LPA: variants seen among roughly 807,000 people sequenced by gnomAD.
LPA encodes apolipoprotein(a).
In LPA, 199 loss-of-function variants were observed where a neutral mutation model predicts 197.9. The observed-to-expected ratio is 1.01, with a 90% CI of 0.90 to 1.13. The LOEUF (loss-of-function observed/expected upper bound fraction) is 1.13. LPA is among the 50% of genes most tolerant of loss of function. The probability of loss-of-function intolerance (pLI) is 0.00; values close to 1 mark genes in which losing one functional copy is unlikely to be tolerated. For synonymous variants in LPA, 715 were observed against 639.5 expected (o/e 1.12, Z -1.78); for missense variants, 1,853 against 1,785.8 (o/e 1.04, Z -0.68).
chr6:160,610,109 T>C (rs927588751), intron 16 of LPA, among the ~76,000 whole-genome samples: 3 of 152,164 alleles, frequency 2.0e-5, no homozygotes, highest in Admixed American at 6.5e-5. Flanking sequence ...CGATGTCATT[T>C]CTGAGCCTGT....
intron 23 of LPA, 96 bp downstream of exon 23, chr6:160,590,848 C>T: frequency 1.7e-5 from 25 of 1,514,298 alleles, no homozygotes; most frequent in Middle Eastern, 3.4e-4. Context: ...CATTCAGATT[C>T]CCGTGCAGCA....
chr6:160,647,229 T>C (rs1301158310), intron 2 of LPA, among the ~76,000 whole-genome samples: 1 of 152,138 alleles, frequency 6.6e-6, no homozygotes, highest in East Asian at 1.9e-4. Flanking sequence ...GACTAAGAGA[T>C]CTGAAGAGGT....
At chr6:160,585,323 G>A (rs1778890085) in intron 25 of LPA, 118 bp from the exon 26 acceptor site, 1 of 931,352 alleles carries the variant, frequency 1.1e-6, no homozygotes, top group African/African-American at 1.6e-5. Flanking sequence ...TTCTATATTA[G>A]CATGCAAATT....
chr6:160,560,636 G>GTT (rs978084399), intron 28 of LPA, among the ~76,000 whole-genome samples: 1 of 148,632 alleles, frequency 6.7e-6, no homozygotes, highest in African/African-American at 2.5e-5. Context: ...TGATGGGGTT[G>GTT]TTTTTTTTTT....
chr6:160,590,850 C>T (rs567828171), intron 23 of LPA, 94 bp downstream of exon 23: 24 of 1,520,170 alleles, frequency 1.6e-5, no homozygotes, highest in Admixed American at 7.0e-5. Context: ...TTCAGATTCC[C>T]GTGCAGCATG....
At position 160,605,033 on chromosome 6, in the gene LPA, A is replaced by G. The variant is rs1234916033; in HGVS notation, c.2945+13T>C. ...GACCCTTCCTTCACTTATGGTAAAG[A>G]AAATAGACATACGCATTTGGGTAGT... On this transcript the variant is annotated intron_variant, in intron 18 of 38. Coordinates refer to ENST00000316300, the MANE Select transcript of LPA (RefSeq NM_005577.4). 4 of 1,613,246 alleles carry G rather than the reference A, an allele frequency of 2.5e-6. No individual in the cohort carries two copies. Among genetic ancestry groups the G allele is most frequent in the Non-Finnish European group, 3.4e-6 (4 of 1,179,706 alleles).
At chr6:160,557,358 A>T in intron 29 of LPA, 32 bp downstream of exon 29, 1 of 1,612,142 alleles carries the variant, frequency 6.2e-7, no homozygotes. Context: ...CCAATGTTCA[A>T]ATGTGTAGAT....
chr6:160,549,983 G>T (rs1778142174), intron 30 of LPA, among the ~76,000 whole-genome samples: 1 of 152,260 alleles, frequency 6.6e-6, no homozygotes, highest in Admixed American at 6.5e-5. Flanking sequence ...AGCACTTTGG[G>T]AAGCCAAGGC....
chr6:160,606,803 A>G, intron 16 of LPA, 145 bp from the exon 17 acceptor site: 4 of 1,278,884 alleles, frequency 3.1e-6, no homozygotes, highest in Non-Finnish European at 4.5e-6. Context: ...CCACAAGCAC[A>G]AATGGCTCTC....
At chr6:160,604,957 A>G in intron 18 of LPA, 89 bp downstream of exon 18, 1 of 1,574,584 alleles carries the variant, frequency 6.4e-7, no homozygotes, top group South Asian at 1.1e-5. Flanking sequence ...AGACAACTTG[A>G]GTCCTGAACA....
chr6:160,659,692 C>A (rs1461733235), intron 1 of LPA, among the ~76,000 whole-genome samples: 1 of 152,156 alleles, frequency 6.6e-6, no homozygotes, highest in African/African-American at 2.4e-5. Context: ...AAGCACAGAG[C>A]CAACACTGAC....
Position 160,548,554 on chromosome 6 carries a change from G to A in LPA, c.5079C>T (p.Cys1693=), listed in dbSNP as rs764862615. Reference sequence around the variant, plus strand: ...CGACCACAGTCCCTTCTGTGTCTGAGCATCGCGTCAGGTTGCAGTACTCCC... The same window carrying A: ...CGACCACAGTCCCTTCTGTGTCTGAACATCGCGTCAGGTTGCAGTACTCCC... ...IRWEYCNLTR[C]SDTEGTVVAP... The change falls in exon 31 of 39, where the codon TGC becomes TGT. Residue 1693 remains cysteine (C), a synonymous_variant. Coordinates refer to ENST00000316300, the MANE Select transcript of LPA (RefSeq NM_005577.4). 5.6e-6 allele frequency: 9 copies of A among 1,614,100 alleles called. No individual in the cohort carries two copies. Among genetic ancestry groups the A allele is most frequent in the Non-Finnish European group, 5.1e-6 (6 of 1,180,004 alleles).
intron 22 of LPA, among the ~76,000 whole-genome samples, chr6:160,592,657 C>A (rs1562335466): frequency 6.6e-6 from 1 of 152,156 alleles, no homozygotes; most frequent in Non-Finnish European, 1.5e-5. Flanking sequence ...TGTATTCGTT[C>A]CTTACCTCTA....
chr6:160,542,279 C>G (rs2114999406), intron 34 of LPA, among the ~76,000 whole-genome samples: 1 of 152,278 alleles, frequency 6.6e-6, no homozygotes, highest in South Asian at 2.1e-4. Context: ...AAATCTGTGC[C>G]TGTGATAGAC....
At chr6:160,542,610 G>C in intron 34 of LPA, 78 bp downstream of exon 34, 1 of 1,601,446 alleles carries the variant, frequency 6.2e-7, no homozygotes, top group Non-Finnish European at 8.5e-7. Context: ...CAGCTGTGTG[G>C]GTTCTGTGTA....
chr6:160,604,515 T>C (rs6930542), intron 18 of LPA, among the ~76,000 whole-genome samples: 7,725 of 152,230 alleles, frequency 0.051, 688 homozygotes, highest in African/African-American at 0.18. Flanking sequence ...CTTCCTGCCA[T>C]TTTTATTCTC....
At chr6:160,533,836 A>C (rs923967568) in intron 37 of LPA, among the ~76,000 whole-genome samples, 1 of 152,216 alleles carries the variant, frequency 6.6e-6, no homozygotes, top group African/African-American at 2.4e-5. Context: ...TTCTTTTGTG[A>C]AAAACTGCTT....
intron 37 of LPA, among the ~76,000 whole-genome samples, chr6:160,535,364 AATG>A (rs751140190): frequency 9.0e-5 from 9 of 99,894 alleles, no homozygotes; most frequent in Non-Finnish European, 1.6e-4. Flanking sequence ...TAGCGGTGGT[AATG>A]ATGATGGTGG....
At chr6:160,647,221 C>T (rs1333894085) in intron 2 of LPA, among the ~76,000 whole-genome samples, 1 of 152,120 alleles carries the variant, frequency 6.6e-6, no homozygotes, top group African/African-American at 2.4e-5. Context: ...GGCAGGAAGA[C>T]TAAGAGATCT....
Sources: gnomAD v4.1 joint callset for allele counts (sites outside exome capture counted in the v4.1 genomes callset) on GRCh38, gnomAD v4.1.1 for gene constraint, MANE v1.5 for transcripts, NCBI Gene and HGNC (gene_info 2026-07-23, HGNC 2026-07-21) for gene names.